The following SCEL variants were observed in gnomAD, a reference collection of about 807,000 sequenced individuals.
SCEL encodes sciellin.
In SCEL, 113 loss-of-function variants were observed where a neutral mutation model predicts 117.6. The ratio of observed to expected loss-of-function variants is 0.96; its 90% confidence interval spans 0.83 to 1.12. The LOEUF (loss-of-function observed/expected upper bound fraction) is 1.12. SCEL is among the 50% of genes most tolerant of loss of function. SCEL has a pLI of 0.00. For synonymous variants in SCEL, 270 were observed against 256.2 expected, an observed-to-expected ratio of 1.05 and a Z score of -0.51; for missense variants, 785 against 810.8, an observed-to-expected ratio of 0.97 and a Z score of 0.39.
intron 1 of SCEL, among the ~76,000 whole-genome samples, chr13:77,549,914 A>G (rs1348568476): frequency 1.3e-5 from 2 of 152,056 alleles, no homozygotes; most frequent in Admixed American, 1.3e-4. Flanking sequence ...TGTGAAATAT[A>G]ATCTGATTCC....
chr13:77,628,105 A>G (rs1391956193), intron 28 of SCEL, 96 bp downstream of exon 28: 4 of 233,140 alleles, frequency 1.7e-5, no homozygotes, highest in African/African-American at 9.5e-5. Flanking sequence ...AAAATATAAT[A>G]TTATATATTA....
At chr13:77,568,621 A>G (rs921382703) in intron 7 of SCEL, among the ~76,000 whole-genome samples, 2 of 152,010 alleles carry the variant, frequency 1.3e-5, no homozygotes, top group East Asian at 1.9e-4. Context: ...TTTTTCCCCT[A>G]CAGGACTTTT....
intron 32 of SCEL, 55 bp downstream of exon 32, chr13:77,642,863 G>T: frequency 1.1e-6 from 1 of 903,838 alleles, no homozygotes; most frequent in Non-Finnish European, 1.7e-6. Flanking sequence ...TGAGCATTTG[G>T]TATCATTTAA....
chr13:77,543,823 T>G (rs1028750595), intron 1 of SCEL, among the ~76,000 whole-genome samples: 2 of 152,176 alleles, frequency 1.3e-5, no homozygotes, highest in Non-Finnish European at 2.9e-5. Flanking sequence ...TTCTTCCTGT[T>G]GACTCCTTTT....
intron 9 of SCEL, among the ~76,000 whole-genome samples, chr13:77,580,213 C>G (rs2086189926): frequency 1.3e-5 from 2 of 152,198 alleles, no homozygotes; most frequent in South Asian, 4.1e-4. Flanking sequence ...GTGCAAGTGT[C>G]ATCAATGTAG....
intron 32 of SCEL, among the ~76,000 whole-genome samples, chr13:77,643,704 A>T (rs1220855627): frequency 1.3e-5 from 2 of 152,108 alleles, no homozygotes; most frequent in Admixed American, 6.6e-5. Context: ...ACATCCAGAA[A>T]ATGCTCTGAA....
intron 10 of SCEL, among the ~76,000 whole-genome samples, chr13:77,589,762 AC>A (rs2086766692): frequency 3.3e-5 from 5 of 152,102 alleles, no homozygotes; most frequent in Admixed American, 3.3e-4. Flanking sequence ...TTATTTCAAA[AC>A]TATCACAAAT....
chr13:77,567,370 C>T (rs1593958960), intron 5 of SCEL, among the ~76,000 whole-genome samples: 1 of 152,170 alleles, frequency 6.6e-6, no homozygotes, highest in South Asian at 2.1e-4. Flanking sequence ...AGTAGAATAG[C>T]TTGAACCCTG....
intron 22 of SCEL, 87 bp downstream of exon 22, chr13:77,610,193 C>G: frequency 1.1e-6 from 1 of 910,522 alleles, no homozygotes; most frequent in Non-Finnish European, 1.7e-6. Flanking sequence ...TGGCTTACGC[C>G]TGTAATCCCA....
At chr13:77,594,260 G>A (rs1362612052) in intron 12 of SCEL, among the ~76,000 whole-genome samples, 1 of 152,170 alleles carries the variant, frequency 6.6e-6, no homozygotes, top group Non-Finnish European at 1.5e-5. Context: ...CCCATTCAAT[G>A]GCATATAACC....
intron 9 of SCEL, among the ~76,000 whole-genome samples, chr13:77,584,356 TA>T (rs2086441947): frequency 6.6e-6 from 1 of 152,160 alleles, no homozygotes; most frequent in Non-Finnish European, 1.5e-5. Flanking sequence ...TCCTTTGAGG[TA>T]AATGGAAGTC....
rs1200393162 is a variant in SCEL, at chr13:77,610,075, G to A, written c.1306G>A (p.Val436Met). 2 of 1,610,440 alleles carry A rather than the reference G, an allele frequency of 1.2e-6. No individual in the cohort carries two copies. Among genetic ancestry groups the A allele is most frequent in the Non-Finnish European group, 1.7e-6 (2 of 1,178,038 alleles). Residue 436 changes from valine to methionine, a missense_variant, in exon 22 of 33, where the codon GTG becomes ATG. Val to Met is a conservative substitution (Grantham distance 21). Transcript: ENST00000349847. The part of the protein sequence containing the change: ...GGQSLDSLIK[V>M]TPERNRTNQG... Reference sequence around the variant, plus strand: ...CCAAAGTCTCGACAGCCTCATTAAAGTGACTCCTGAAAGAAACAGAACTAA... The same window carrying A: ...CCAAAGTCTCGACAGCCTCATTAAAATGACTCCTGAAAGAAACAGAACTAA...
chr13:77,618,226 G>A (rs1346444803), intron 27 of SCEL, among the ~76,000 whole-genome samples, 166 bp downstream of exon 27: 2 of 150,978 alleles, frequency 1.3e-5, no homozygotes, highest in African/African-American at 4.9e-5. Flanking sequence ...TATCACCCAG[G>A]CTGGGGCACA....
At chr13:77,568,358 A>G (rs761484016) in intron 7 of SCEL, 25 bp downstream of exon 7, 2 of 1,437,308 alleles carry the variant, frequency 1.4e-6, no homozygotes, top group East Asian at 2.3e-5. Context: ...TAATTGTAGT[A>G]TATTTCTTTT....
chr13:77,589,126 C>T lies in SCEL; in HGVS notation c.546-18C>T, dbSNP rs1280550801. On this transcript the variant is annotated intron_variant, in intron 9 of 32. Transcript: ENST00000349847. The stretch of plus-strand genomic sequence containing the variant: ...CATGTTTCCATGGTGAAATGAACTG[C>T]TGTTTTCTGTTTTAAAGGGAACCAG... 3.2e-6 allele frequency: 5 copies of T among 1,578,632 alleles called. No individual in the cohort carries two copies. In the African/African-American group the frequency reaches 6.8e-5, roughly 21 times the overall value.
At chr13:77,615,974 A>G (rs2154403635) in intron 24 of SCEL, among the ~76,000 whole-genome samples, 1 of 150,946 alleles carries the variant, frequency 6.6e-6, no homozygotes, top group Non-Finnish European at 1.5e-5. Context: ...TTAGGTAGTA[A>G]GAATATTATT....
chr13:77,543,179 G>A (rs1347854689), intron 1 of SCEL, among the ~76,000 whole-genome samples: 1 of 150,802 alleles, frequency 6.6e-6, no homozygotes, highest in Non-Finnish European at 1.5e-5. Context: ...CGCCTCCCGG[G>A]TTCACGCCAT....
chr13:77,590,511 G>T (rs1049804054), intron 10 of SCEL, among the ~76,000 whole-genome samples: 1 of 151,736 alleles, frequency 6.6e-6, no homozygotes, highest in African/African-American at 2.4e-5. Flanking sequence ...TTGTTTTAAG[G>T]GGCTAAAATT....
chr13:77,612,476 T>TTTTTTTTTTTTTA, intron 22 of SCEL, among the ~76,000 whole-genome samples: 1 of 126,688 alleles, frequency 7.9e-6, no homozygotes, highest in Non-Finnish European at 1.6e-5. Context: ...TTTTTTTTTT[T>TTTTTTTTTTTTTA]TTTTTTTTTA....
Sources: allele counts gnomAD v4.1 joint callset (sites outside exome capture counted in the v4.1 genomes callset), GRCh38; gene constraint gnomAD v4.1.1; transcripts MANE v1.5; gene names NCBI Gene and HGNC (gene_info 2026-07-23, HGNC 2026-07-21).